The following SI variants were observed in gnomAD, a reference collection of about 807,000 sequenced individuals.
SI encodes sucrase-isomaltase, also known as sucrase-isomaltase, intestinal.
A neutral mutation model predicts 253.3 loss-of-function variants in SI; 235 were observed. That is an observed-to-expected ratio of 0.93 (90% CI 0.83 to 1.03). SI has a LOEUF of 1.03. Among genes scored for constraint, SI ranks in the 50% least tolerant of loss-of-function variants. The pLI is 0.00. For synonymous variants in SI, 819 were observed against 712.0 expected (o/e 1.15, Z -2.39); for missense variants, 2,442 against 2,211.1 (o/e 1.10, Z -2.09).
intron 33 of SI, among the ~76,000 whole-genome samples, chr3:165,013,694 C>A (rs1161748152): frequency 2.0e-5 from 3 of 151,902 alleles, no homozygotes; most frequent in African/African-American, 7.3e-5. Flanking sequence ...TATAAATAAT[C>A]CACCAAAAAG....
intron 16 of SI, 138 bp from the exon 17 acceptor site, chr3:165,043,313 A>G (rs1712945352): frequency 4.9e-6 from 3 of 615,592 alleles, no homozygotes; most frequent in Non-Finnish European, 8.5e-6. Flanking sequence ...TCCTTAAACC[A>G]ATTTATTTTC....
Position 165,074,555 on chromosome 3 carries a change from G to T in SI, c.231C>A (p.Cys77Ter), listed in dbSNP as rs776059197. Residue 77 changes from cysteine (C) to a stop codon, truncating the protein, a stop_gained, in exon 3 of 48, where the codon TGC (cysteine) becomes TGA (stop). Transcript: ENST00000264382. LOFTEE classifies it high-confidence loss of function. ...LNDPVNVRINCIPEQFPTEGI... is the reference protein window; with the variant it reads ...LNDPVNVRIN ...CCTCTGTTGGGAATTGTTCTGGAAT[G>T]CAGTTTATTCTCACATTGACAGGAT... is the stretch of plus-strand genomic sequence containing the variant. The T allele has an allele frequency of 6.2e-7, 1 of 1,608,164 alleles. No homozygotes were observed. The highest frequency in any genetic ancestry group is 8.5e-7 in the Non-Finnish European group (1 of 1,176,348).
At chr3:164,988,062 AC>A (rs1429668750) in intron 44 of SI, among the ~76,000 whole-genome samples, 7 of 152,300 alleles carry the variant, frequency 4.6e-5, no homozygotes, top group African/African-American at 9.6e-5. Flanking sequence ...GCATAGGGCT[AC>A]TTGTGAACTA....
rs1462754955 is a variant in SI, at chr3:165,059,034, T to C, written c.1327A>G (p.Thr443Ala). 1 of 1,612,630 alleles carries C rather than the reference T, an allele frequency of 6.2e-7. No homozygotes were observed. The highest frequency in any genetic ancestry group is 1.7e-5 in the Admixed American group (1 of 59,764). The change falls in exon 12 of 48, where the codon ACC (threonine) becomes GCC (alanine). Residue 443 changes from threonine to alanine, a missense_variant. Transcript: ENST00000264382. Reference sequence around the variant, plus strand: ...TGTTGTGTGTTTCCCCTCTCATAGGTTGCATATGTTGTTCCATTGGCACGT... The same window carrying C: ...TGTTGTGTGTTTCCCCTCTCATAGGCTGCATATGTTGTTCCATTGGCACGT... ...GRRANGTTYATYERGNTQHVW... is the reference protein window; with the variant it reads ...GRRANGTTYAAYERGNTQHVW...
intron 20 of SI, among the ~76,000 whole-genome samples, chr3:165,038,533 C>G (rs1002372316): frequency 1.2e-4 from 18 of 146,408 alleles, no homozygotes; most frequent in Non-Finnish European, 2.5e-4. Context: ...CATGGTGAAA[C>G]CCCATCTCTA....
intron 24 of SI, among the ~76,000 whole-genome samples, 187 bp from the exon 25 acceptor site, chr3:165,031,054 A>C (rs1712211278): frequency 6.7e-6 from 1 of 150,096 alleles, no homozygotes; most frequent in Non-Finnish European, 1.5e-5. Flanking sequence ...AAAACAGAAA[A>C]TATATATGCA....
intron 44 of SI, 102 bp from the exon 45 acceptor site, chr3:164,987,328 A>T: frequency 1.1e-6 from 1 of 924,136 alleles, no homozygotes; most frequent in Non-Finnish European, 1.8e-6. Context: ...CCAAGCATTA[A>T]GGAGTGTGCA....
intron 13 of SI, among the ~76,000 whole-genome samples, chr3:165,051,435 TA>T (rs1248310214): frequency 6.6e-6 from 1 of 152,066 alleles, no homozygotes; most frequent in East Asian, 1.9e-4. Flanking sequence ...TACATTGAGT[TA>T]TTTTTTTGAA....
intron 45 of SI, among the ~76,000 whole-genome samples, chr3:164,985,877 G>C (rs1408679313): frequency 1.3e-5 from 2 of 152,036 alleles, no homozygotes; most frequent in African/African-American, 4.8e-5. Context: ...TGCATTCTTA[G>C]CAAGCTGTCC....
chr3:165,019,904 C>A lies in SI; in HGVS notation c.3255-134G>T, dbSNP rs766961738. On this transcript the variant is annotated intron_variant, in intron 27 of 47. Coordinates refer to ENST00000264382, the MANE Select transcript of SI (RefSeq NM_001041.4). ...CCATATTCCTAATTATACCCAGGTA[C>A]CAAATGGAAATAGATGATTAATCTA... is the stretch of plus-strand genomic sequence containing the variant. The A allele has an allele frequency of 1.3e-4, 103 of 809,224 alleles. 1 individual carries two copies. The highest frequency in any genetic ancestry group is 1.9e-4 in the Non-Finnish European group (93 of 490,564). 50.1% of individuals were successfully genotyped at this position (809,224 alleles called of 1,614,324 possible).
Position 165,015,131 on chromosome 3 carries a change from A to G in SI, c.3991T>C (p.Trp1331Arg). The G allele has an allele frequency of 6.2e-7, 1 of 1,609,214 alleles. No homozygotes were observed. The highest frequency in any genetic ancestry group is 8.5e-7 in the Non-Finnish European group (1 of 1,175,786). ...VKWPNTNDIC[W>R]AKVWPDLPNI... ...AGATATCGATTTAGTACCTTTGCCC[A>G]ACAAATGTCATTGGTGTTTGGCCAT... Residue 1331 changes from tryptophan (W) to arginine (R), a missense_variant, in exon 33 of 48, where the codon TGG (tryptophan) becomes CGG (arginine). Coordinates refer to ENST00000264382, the MANE Select transcript of SI (RefSeq NM_001041.4).
At chr3:165,006,695 G>T in intron 37 of SI, 121 bp downstream of exon 37, 1 of 814,580 alleles carries the variant, frequency 1.2e-6, no homozygotes, top group Non-Finnish European at 2.0e-6. Context: ...AGAAGTTACA[G>T]AGAACAATTG....
chr3:165,040,367 A>G (rs780605851), intron 18 of SI, among the ~76,000 whole-genome samples: 11 of 152,098 alleles, frequency 7.2e-5, no homozygotes, highest in Non-Finnish European at 1.0e-4. Context: ...ATCACAGATG[A>G]CAAGGTTACT....
intron 2 of SI, among the ~76,000 whole-genome samples, chr3:165,074,996 A>G (rs1204003535): frequency 6.6e-6 from 1 of 152,012 alleles, no homozygotes; most frequent in Non-Finnish European, 1.5e-5. Context: ...TTTATAGCTG[A>G]AGAAAAGATG....
At chr3:164,981,112 G>A (rs190994844) in intron 47 of SI, among the ~76,000 whole-genome samples, 124 of 152,042 alleles carry the variant, frequency 8.2e-4, no homozygotes, top group African/African-American at 2.9e-3. Flanking sequence ...AAATATGAGT[G>A]TAAGGCACTA....
intron 32 of SI, 36 bp from the exon 33 acceptor site, chr3:165,015,269 G>GA: frequency 2.1e-6 from 3 of 1,439,462 alleles, no homozygotes; most frequent in Non-Finnish European, 2.9e-6. Flanking sequence ...AGGTACACAT[G>GA]AAAAAAGCGT....
chr3:165,075,406 C>A (rs6444945), intron 2 of SI, among the ~76,000 whole-genome samples: 139,609 of 152,012 alleles, frequency 0.92, 64,136 homozygotes, highest in Middle Eastern at 0.96. Flanking sequence ...TATTCAGAAA[C>A]AGATAATTAA....
chr3:164,998,427 C>G, intron 38 of SI, 113 bp downstream of exon 38: 1 of 1,079,168 alleles, frequency 9.3e-7, no homozygotes, highest in Admixed American at 1.7e-5. Context: ...ACATAAAGTA[C>G]GATGTGAAGA....
At chr3:165,038,054 A>G (rs763710308) in intron 20 of SI, 30 bp from the exon 21 acceptor site, 133 of 1,560,452 alleles carry the variant, frequency 8.5e-5, no homozygotes, top group Non-Finnish European at 9.3e-5. Context: ...AAACATTCTT[A>G]ATATTATTGA....
Sources: allele counts gnomAD v4.1 joint callset (sites outside exome capture counted in the v4.1 genomes callset), GRCh38; gene constraint gnomAD v4.1.1; transcripts MANE v1.5; gene names NCBI Gene and HGNC (gene_info 2026-07-23, HGNC 2026-07-21).